BRIP1: variants seen among roughly 807,000 people sequenced by gnomAD.
The protein encoded by BRIP1 is BRCA1 interacting DNA helicase 1, also known as Fanconi anemia group J protein.
Under a neutral mutation model 119.7 loss-of-function variants are expected in BRIP1, and 88 were observed. The ratio of observed to expected loss-of-function variants is 0.74; its 90% CI spans 0.62 to 0.88. The LOEUF (loss-of-function observed/expected upper bound fraction) is 0.88. Ranked by LOEUF, BRIP1 falls within the 40% of genes least tolerant of loss-of-function variation. The probability of loss-of-function intolerance (pLI) is 0.00; values close to 1 mark genes in which losing one functional copy is unlikely to be tolerated. For synonymous variants in BRIP1, 443 were observed against 496.5 expected, an observed-to-expected ratio of 0.89 and a Z score of 1.43; for missense variants, 1,259 against 1,455.4, an observed-to-expected ratio of 0.87 and a Z score of 2.20.
chr17:61,861,327 G>A lies in BRIP1; in HGVS notation c.93+120C>T. The A allele has an allele frequency of 1.3e-6, 1 of 751,274 alleles. No homozygotes were observed. The highest frequency in any genetic ancestry group is 2.3e-6 in the Non-Finnish European group (1 of 428,674). The allele number at this position is 751,274 out of a possible 1,614,324, so 46.5% of individuals were successfully genotyped here. A position where few individuals can be genotyped will look rare whatever the true frequency, so the allele number is the denominator to read the frequency against. On this transcript the variant is annotated intron_variant, in intron 2 of 19. Coordinates refer to ENST00000259008, the MANE Select transcript of BRIP1 (RefSeq NM_032043.3). The surrounding 1 kb of genome is among the most constrained non-coding windows in gnomAD (Gnocchi z 4.5). ...TCCCAGAGGTTAGATATTCTTCCAAGTGAACCCAGAAAATATTCTCCATTT... is the reference window on the plus strand; with the variant it reads ...TCCCAGAGGTTAGATATTCTTCCAAATGAACCCAGAAAATATTCTCCATTT...
intron 10 of BRIP1, among the ~76,000 whole-genome samples, chr17:61,792,016 G>C (rs763022813): frequency 6.6e-6 from 1 of 152,204 alleles, no homozygotes; most frequent in Non-Finnish European, 1.5e-5. Context: ...CACTGGTGAA[G>C]ATGTACAACA....
intron 3 of BRIP1, among the ~76,000 whole-genome samples, chr17:61,858,734 CACAT>C (rs758131177): frequency 6.6e-6 from 1 of 152,032 alleles, no homozygotes; most frequent in Admixed American, 6.6e-5. Flanking sequence ...TACCTATATA[CACAT>C]ACATACATAC....
Position 61,852,664 on chromosome 17 carries a change from C to T in BRIP1, c.380-3408G>A, listed in dbSNP as rs757731206. Among the ~76,000 whole-genome samples, 24 of 152,040 alleles carry T rather than the reference C, an allele frequency of 1.6e-4. No homozygotes were observed. The highest frequency in any genetic ancestry group is 2.4e-4 in the Non-Finnish European group (16 of 67,982). ...GCCTGAGCGACAGAGTGAGACCCCA[C>T]CTCAAATAAAAAACAAAAGAAAAAT... is the stretch of plus-strand genomic sequence containing the variant. On this transcript the variant is annotated intron_variant, in intron 4 of 19. Coordinates refer to ENST00000259008, the MANE Select transcript of BRIP1 (RefSeq NM_032043.3). This position sits in a 1 kb window ranked among gnomAD's most constrained non-coding sequence, Gnocchi z 4.9.
In BRIP1 at chr17:61,789,916, GT is replaced by G. The variant is rs900285377; in HGVS notation, c.1473+3680del. Among the ~76,000 whole-genome samples, 5 of 152,046 alleles carry G rather than the reference GT, an allele frequency of 3.3e-5. No individual in the cohort carries two copies. The highest frequency in any genetic ancestry group is 7.2e-5 in the African/African-American group (3 of 41,396). On this transcript the variant is annotated intron_variant, in intron 10 of 19. Coordinates refer to ENST00000259008, the MANE Select transcript of BRIP1 (RefSeq NM_032043.3). The surrounding 1 kb of genome is among the most constrained non-coding windows in gnomAD (Gnocchi z 4.8). The stretch of plus-strand genomic sequence containing the variant: ...TCTTTGTGCCATTCTGTATTTTCCA[GT>G]TTTTTTCCCTTGACATACATTTTAT...
chr17:61,831,858 C>T lies in BRIP1; in HGVS notation c.627+15243G>A, dbSNP rs905699933. On this transcript the variant is annotated intron_variant, in intron 6 of 19. Coordinates refer to ENST00000259008, the MANE Select transcript of BRIP1 (RefSeq NM_032043.3). The surrounding 1 kb of genome is among the most constrained non-coding windows in gnomAD (Gnocchi z 4.1). The stretch of plus-strand genomic sequence containing the variant: ...GAAAGGAAGAAAATTAGAATGGGCC[C>T]TCTGGTACTGGAATGGAACTGGATG... Among the ~76,000 whole-genome samples the T allele has an allele frequency of 2.6e-5, 4 of 152,080 alleles. No individual in the cohort carries two copies. Among genetic ancestry groups the T allele is most frequent in the African/African-American group, 9.7e-5 (4 of 41,416 alleles).
rs1876696052 is a variant in BRIP1 at position 61,759,187 on chromosome 17, T to C, written c.2098-14596A>G. Among the ~76,000 whole-genome samples the C allele has an allele frequency of 6.6e-6, 1 of 151,964 alleles. No homozygotes were observed. Among genetic ancestry groups the C allele is most frequent in the Non-Finnish European group, 1.5e-5 (1 of 67,980 alleles). On this transcript the variant is annotated intron_variant, in intron 14 of 19. Coordinates refer to ENST00000259008, the MANE Select transcript of BRIP1 (RefSeq NM_032043.3). The surrounding 1 kb of genome is among the most constrained non-coding windows in gnomAD (Gnocchi z 4.9). ...CCAACTATATGCTGCCTACAAGAGA[T>C]TTGCTTTTAAGGATGCACAGAGGCT...
rs2078953649 is a variant in BRIP1, at chr17:61,860,035, A to G, written c.94-128T>C. On this transcript the variant is annotated intron_variant, in intron 2 of 19. Coordinates refer to ENST00000259008, the MANE Select transcript of BRIP1 (RefSeq NM_032043.3). This position sits in a 1 kb window ranked among gnomAD's most constrained non-coding sequence, Gnocchi z 4.1. ...CTCCAGGGAACACAACAATAGCAGA[A>G]GGAACTCATATTTAGTTAAATCCAA... The G allele has an allele frequency of 1.5e-6, 1 of 684,766 alleles. No homozygotes were observed. The highest frequency in any genetic ancestry group is 1.8e-5 in the African/African-American group (1 of 55,894). 42.4% of individuals were successfully genotyped at this position (684,766 alleles called of 1,614,324 possible).
At position 61,754,998 on chromosome 17, in the gene BRIP1, C is replaced by A. The variant is rs1286748379; in HGVS notation, c.2098-10407G>T. On this transcript the variant is annotated intron_variant, in intron 14 of 19. Transcript: ENST00000259008. The surrounding 1 kb of genome is among the most constrained non-coding windows in gnomAD (Gnocchi z 4.1). ...ACAAACATTCAGTCCATAATATCAT[C>A]TAACATATTAGTAGCTTTCTGTGTC... is the stretch of plus-strand genomic sequence containing the variant. Among the ~76,000 whole-genome samples, 2 of 152,150 alleles carry A rather than the reference C, an allele frequency of 1.3e-5. No homozygotes were observed. Among genetic ancestry groups the A allele is most frequent in the Non-Finnish European group, 2.9e-5 (2 of 68,020 alleles).
chr17:61,826,813 G>C (rs1199076538), intron 6 of BRIP1, among the ~76,000 whole-genome samples: 3 of 150,762 alleles, frequency 2.0e-5, no homozygotes, highest in African/African-American at 7.3e-5. Context: ...CACACTACTG[G>C]TAAGAATGTA....
rs1438153959 is a variant in BRIP1, at chr17:61,691,713, C to A, written c.2575+1717G>T. Among the ~76,000 whole-genome samples the A allele has an allele frequency of 5.9e-5, 9 of 152,186 alleles. No individual in the cohort carries two copies. Among genetic ancestry groups the A allele is most frequent in the Non-Finnish European group, 4.4e-5 (3 of 68,036 alleles). On this transcript the variant is annotated intron_variant, in intron 18 of 19. Transcript: ENST00000259008. The surrounding 1 kb of genome is among the most constrained non-coding windows in gnomAD (Gnocchi z 5.0). The stretch of plus-strand genomic sequence containing the variant: ...TCGTGATCCACCTGCCTTGGCCTCC[C>A]AAAACACTGGGATTACAGGCGTGAG...
intron 14 of BRIP1, among the ~76,000 whole-genome samples, chr17:61,750,497 G>A (rs1248632551): frequency 6.6e-6 from 1 of 151,940 alleles, no homozygotes; most frequent in Non-Finnish European, 1.5e-5. Flanking sequence ...AGTAACTAAA[G>A]AAAAATACAG....
chr17:61,843,535 G>A lies in BRIP1; in HGVS notation c.627+3566C>T, dbSNP rs1457747322. On this transcript the variant is annotated intron_variant, in intron 6 of 19. Transcript: ENST00000259008. This position sits in a 1 kb window ranked among gnomAD's most constrained non-coding sequence, Gnocchi z 5.7. ...AAAGTGCTTGGGTCATCAATGGCTG[G>A]TGCCCTCCTCACAGTAATGAGTTGA... 6.6e-6 allele frequency among the ~76,000 whole-genome samples: 1 copy of A among 152,074 alleles called. No homozygotes were observed. Among genetic ancestry groups the A allele is most frequent in the Non-Finnish European group, 1.5e-5 (1 of 68,002 alleles).
At chr17:61,826,916 A>T (rs908472233) in intron 6 of BRIP1, among the ~76,000 whole-genome samples, 5 of 152,290 alleles carry the variant, frequency 3.3e-5, no homozygotes, top group Non-Finnish European at 5.9e-5. Flanking sequence ...CAATCCCATT[A>T]CTGGGTATAT....
rs1390423119 is a variant in BRIP1, at chr17:61,793,406, C to G, written c.1473+191G>C. Among the ~76,000 whole-genome samples, 1 of 152,004 alleles carries G rather than the reference C, an allele frequency of 6.6e-6. No homozygotes were observed. The highest frequency in any genetic ancestry group is 2.4e-5 in the African/African-American group (1 of 41,398). ...CTAATTTCCTTCAAACTAAATAATG[C>G]TATATTTTCACCCACAATTTACCCA... is the stretch of plus-strand genomic sequence containing the variant. On this transcript the variant is annotated intron_variant, in intron 10 of 19. Coordinates refer to ENST00000259008, the MANE Select transcript of BRIP1 (RefSeq NM_032043.3). This position sits in a 1 kb window ranked among gnomAD's most constrained non-coding sequence, Gnocchi z 5.2.
intron 14 of BRIP1, among the ~76,000 whole-genome samples, chr17:61,763,967 A>G (rs1029061458): frequency 6.6e-6 from 1 of 152,224 alleles, no homozygotes; most frequent in African/African-American, 2.4e-5. Flanking sequence ...CAAATATCCA[A>G]GATACATTAA....
At position 61,823,042 on chromosome 17, in the gene BRIP1, G is replaced by A. The variant is rs2078349771; in HGVS notation, c.628-14285C>T. Among the ~76,000 whole-genome samples the A allele has an allele frequency of 6.6e-6, 1 of 152,188 alleles. No individual in the cohort carries two copies. Among genetic ancestry groups the A allele is most frequent in the Admixed American group, 6.5e-5 (1 of 15,282 alleles). ...TCTGACATTTTTACTGCCCTGATGT[G>A]TGCCTACTTCACTAAACCTCAAAAG... On this transcript the variant is annotated intron_variant, in intron 6 of 19. Coordinates refer to ENST00000259008, the MANE Select transcript of BRIP1 (RefSeq NM_032043.3). The surrounding 1 kb of genome is among the most constrained non-coding windows in gnomAD (Gnocchi z 4.8).
chr17:61,769,532 G>A lies in BRIP1; in HGVS notation c.2097+6869C>T, dbSNP rs1567802396. Among the ~76,000 whole-genome samples, 1 of 152,132 alleles carries A rather than the reference G, an allele frequency of 6.6e-6. No homozygotes were observed. Among genetic ancestry groups the A allele is most frequent in the Non-Finnish European group, 1.5e-5 (1 of 68,028 alleles). Reference sequence around the variant, plus strand: ...GGTACTGACAAAAGATTATAATAATGTGCTAGTTTGCTCTTATGACTAGAT... The same window carrying A: ...GGTACTGACAAAAGATTATAATAATATGCTAGTTTGCTCTTATGACTAGAT... On this transcript the variant is annotated intron_variant, in intron 14 of 19. Coordinates refer to ENST00000259008, the MANE Select transcript of BRIP1 (RefSeq NM_032043.3). The surrounding 1 kb of genome is among the most constrained non-coding windows in gnomAD (Gnocchi z 4.9).
rs1316369686 is a variant in BRIP1 at position 61,684,102 on chromosome 17, T to C, written c.2944A>G (p.Lys982Glu). 6.2e-7 allele frequency: 1 copy of C among 1,613,486 alleles called. No individual in the cohort carries two copies. ...VFLEEAGKAEKIVISRSTSPT... is the reference protein window; with the variant it reads ...VFLEEAGKAEEIVISRSTSPT... ...CTTGTGGATCTGGAAATCACAATTTTTTCTGCTTTCCCTGCTTCTTCCAGG... is the reference window on the plus strand; with the variant it reads ...CTTGTGGATCTGGAAATCACAATTTCTTCTGCTTTCCCTGCTTCTTCCAGG... Residue 982 changes from lysine to glutamate, a missense_variant, in exon 20 of 20, where the codon AAA (lysine) becomes GAA (glutamate). Physicochemically the swap from Lys to Glu is moderately conservative, Grantham distance 56 (BLOSUM62 1). Coordinates refer to ENST00000259008, the MANE Select transcript of BRIP1 (RefSeq NM_032043.3). This position sits in a 1 kb window ranked among gnomAD's most constrained non-coding sequence, Gnocchi z 4.5.
At chr17:61,801,759 C>CT (rs200416404) in intron 7 of BRIP1, among the ~76,000 whole-genome samples, 7 of 151,104 alleles carry the variant, frequency 4.6e-5, no homozygotes, top group South Asian at 2.1e-4. Context: ...TTTGTTATGC[C>CT]TTTTTTTTTC....
Sources: allele counts gnomAD v4.1 joint callset (sites outside exome capture counted in the v4.1 genomes callset), GRCh38; gene constraint gnomAD v4.1.1; non-coding constraint Gnocchi (gnomAD v3.1); transcripts MANE v1.5; gene names NCBI Gene and HGNC (gene_info 2026-07-23, HGNC 2026-07-21).